The following AASDH variants were observed in gnomAD, a reference collection of about 807,000 sequenced individuals.
The protein encoded by AASDH is aminoadipate-semialdehyde dehydrogenase.
AASDH carries 81 observed loss-of-function variants against 102.3 expected under a neutral mutation model. That is an observed-to-expected ratio of 0.79 (90% confidence interval 0.66 to 0.95). AASDH has a LOEUF of 0.95. Ranked by LOEUF, AASDH falls within the 40% of genes least tolerant of loss-of-function variation. The probability of loss-of-function intolerance (pLI) is 0.00; values close to 1 mark genes in which losing one functional copy is unlikely to be tolerated. For synonymous variants in AASDH, 398 were observed against 454.0 expected (o/e 0.88, Z 1.57); for missense variants, 1,203 against 1,266.2 (o/e 0.95, Z 0.76).
chr4:56,371,093 T>A (rs564947516), intron 5 of AASDH, among the ~76,000 whole-genome samples: 1 of 152,204 alleles, frequency 6.6e-6, no homozygotes, highest in Admixed American at 6.5e-5. Context: ...CTAACTCGAT[T>A]ATAATTTAAT....
At chr4:56,361,107 C>G (rs1578008390) in intron 5 of AASDH, among the ~76,000 whole-genome samples, 1 of 151,978 alleles carries the variant, frequency 6.6e-6, no homozygotes, top group Non-Finnish European at 1.5e-5. Context: ...TCTATGAATA[C>G]TCAGCAAAAT....
At chr4:56,338,861 G>A (rs1434150853) in intron 14 of AASDH, 70 bp from the exon 15 acceptor site, 1 of 1,440,896 alleles carries the variant, frequency 6.9e-7, no homozygotes, top group Middle Eastern at 1.8e-4. Flanking sequence ...AAAGCTCTAT[G>A]AGGTTCTTAA....
intron 5 of AASDH, among the ~76,000 whole-genome samples, chr4:56,357,608 C>A (rs534903643): frequency 6.6e-6 from 1 of 150,464 alleles, no homozygotes; most frequent in Non-Finnish European, 1.5e-5. Flanking sequence ...TCAGAATAAT[C>A]TTGTATAATT....
chr4:56,379,855 T>A (rs938459557), intron 3 of AASDH, among the ~76,000 whole-genome samples: 4 of 151,952 alleles, frequency 2.6e-5, no homozygotes, highest in African/African-American at 9.7e-5. Context: ...CCAATTAAGG[T>A]AAAGAACGGG....
At position 56,338,404 on chromosome 4, in the gene AASDH, A is replaced by ATT; in HGVS notation, c.3293_3294dup (p.Ter1099AsnfsTer10). On this transcript the variant is annotated frameshift_variant, in exon 15 of 15. Coordinates refer to ENST00000205214, the MANE Select transcript of AASDH (RefSeq NM_181806.4). LOFTEE classifies it high-confidence loss of function. ...ATACAAATAAGGACTGTATTTGATT[A>ATT]TTTTTGATTGCCACCCAATAAATCC... is the stretch of plus-strand genomic sequence containing the variant. 3 of 1,612,830 alleles carry ATT rather than the reference A, an allele frequency of 1.9e-6. 1 individual carries two copies. In the Middle Eastern group the frequency reaches 5.0e-4, roughly 266 times the overall value.
At chr4:56,347,720 G>A (rs1432453044) in intron 11 of AASDH, among the ~76,000 whole-genome samples, 3 of 152,040 alleles carry the variant, frequency 2.0e-5, no homozygotes, top group South Asian at 2.1e-4. Context: ...TGGACAACAC[G>A]CAGAAGCTCT....
chr4:56,346,469 A>C (rs1748341161), intron 11 of AASDH, among the ~76,000 whole-genome samples: 3 of 152,190 alleles, frequency 2.0e-5, no homozygotes, highest in Admixed American at 2.0e-4. Context: ...GGGTTAGGCA[A>C]AGATTGCTAA....
At chr4:56,342,988 C>A in intron 13 of AASDH, 22 bp from the exon 14 acceptor site, 5 of 1,550,378 alleles carry the variant, frequency 3.2e-6, no homozygotes, top group Non-Finnish European at 4.4e-6. Context: ...AAAAGCAATT[C>A]ACAGCATTTT....
intron 5 of AASDH, among the ~76,000 whole-genome samples, chr4:56,364,130 G>A (rs1271657257): frequency 1.3e-5 from 2 of 152,154 alleles, no homozygotes; most frequent in African/African-American, 2.4e-5. Context: ...GATGGAAGAC[G>A]AAATGAATGA....
intron 2 of AASDH, among the ~76,000 whole-genome samples, chr4:56,383,483 T>C (rs542520260): frequency 2.6e-5 from 4 of 152,210 alleles, no homozygotes; most frequent in Non-Finnish European, 4.4e-5. Context: ...ACACATATTA[T>C]AGAATGAATA....
chr4:56,384,467 T>A, intron 1 of AASDH, 126 bp from the exon 2 acceptor site: 1 of 580,030 alleles, frequency 1.7e-6, no homozygotes, highest in South Asian at 2.3e-5. Flanking sequence ...AAATGAAGAA[T>A]CTCTGAACTT....
Position 56,378,461 on chromosome 4 carries a change from A to G in AASDH, c.355T>C (p.Phe119Leu). 1 of 1,591,048 alleles carries G rather than the reference A, an allele frequency of 6.3e-7. No homozygotes were observed. The highest frequency in any genetic ancestry group is 8.5e-7 in the Non-Finnish European group (1 of 1,170,998). ...ILVEKKQINK[F>L]KSFHETLLNY... is the part of the protein sequence containing the mutation. ...AATAATGTTTCATGAAAAGATTTAA[A>G]TTTCTGTGTGAAATGGGGGACAAAG... is the stretch of plus-strand genomic sequence containing the variant. The change falls in exon 4 of 15, where the codon TTT becomes CTT. Residue 119 changes from phenylalanine to leucine, a missense_variant. Coordinates refer to ENST00000205214, the MANE Select transcript of AASDH (RefSeq NM_181806.4).
chr4:56,385,892 G>A (rs975905023), intron 1 of AASDH, among the ~76,000 whole-genome samples: 6 of 151,682 alleles, frequency 4.0e-5, no homozygotes, highest in Non-Finnish European at 8.8e-5. Context: ...TACAGGCGGA[G>A]CCACCGCGCC....
chr4:56,366,392 G>C (rs1407168895), intron 5 of AASDH, among the ~76,000 whole-genome samples: 2 of 152,026 alleles, frequency 1.3e-5, no homozygotes, highest in African/African-American at 2.4e-5. Context: ...CATCCTGATA[G>C]CAAAGCCTGG....
At chr4:56,364,629 G>A (rs1489539942) in intron 5 of AASDH, among the ~76,000 whole-genome samples, 1 of 152,156 alleles carries the variant, frequency 6.6e-6, no homozygotes, top group East Asian at 1.9e-4. Flanking sequence ...AGCTTCATAA[G>A]TGAAGGAGAA....
At chr4:56,366,918 A>G (rs1331661369) in intron 5 of AASDH, among the ~76,000 whole-genome samples, 2 of 151,690 alleles carry the variant, frequency 1.3e-5, no homozygotes, top group East Asian at 1.9e-4. Context: ...TTAGGAAAAG[A>G]GGAAGTCAAA....
rs1751698655 is a variant in AASDH, at chr4:56,371,484, A to G, written c.828T>C (p.Val276=). 6.2e-7 allele frequency: 1 copy of G among 1,612,790 alleles called. No individual in the cohort carries two copies. The highest frequency in any genetic ancestry group is 1.3e-5 in the African/African-American group (1 of 74,894). The change falls in exon 5 of 15, where the codon GTT becomes GTC. Residue 276 remains valine, a synonymous_variant. Coordinates refer to ENST00000205214, the MANE Select transcript of AASDH (RefSeq NM_181806.4). ...VKLLPSKLAS[V]LFSHHRVTVL... ...CAGTCACTCTATGATGGGAAAAGAGAACGCTGGCTAATTTTGATGGGAGCA... is the reference window on the plus strand; with the variant it reads ...CAGTCACTCTATGATGGGAAAAGAGGACGCTGGCTAATTTTGATGGGAGCA...
chr4:56,373,802 GGGC>G (rs1217144592), intron 4 of AASDH, among the ~76,000 whole-genome samples: 1 of 143,120 alleles, frequency 7.0e-6, no homozygotes, highest in Non-Finnish European at 1.5e-5. Flanking sequence ...GAACAAAAAT[GGGC>G]AAGGTTATGC....
intron 3 of AASDH, among the ~76,000 whole-genome samples, chr4:56,379,800 T>C (rs942276018): frequency 2.6e-5 from 4 of 152,144 alleles, no homozygotes; most frequent in African/African-American, 9.7e-5. Context: ...ACAGCCAACA[T>C]TGAGGATCTG....
Sources: allele counts gnomAD v4.1 joint callset (sites outside exome capture counted in the v4.1 genomes callset), GRCh38; gene constraint gnomAD v4.1.1; transcripts MANE v1.5; gene names NCBI Gene and HGNC (gene_info 2026-07-23, HGNC 2026-07-21).